Variants in OPCML observed in about 807,000 individuals in gnomAD.
The protein encoded by OPCML is opioid-binding protein/cell adhesion molecule.
In OPCML, 13 loss-of-function variants were observed where a neutral mutation model predicts 37.8. The observed-to-expected ratio is 0.34, with a 90% CI of 0.22 to 0.55. The LOEUF (loss-of-function observed/expected upper bound fraction) is 0.55. OPCML is among the 20% of genes least tolerant of loss of function. The pLI is 0.91. For synonymous variants in OPCML, 176 were observed against 168.8 expected, an observed-to-expected ratio of 1.04 and a Z score of -0.33; for missense variants, 341 against 435.6, an observed-to-expected ratio of 0.78 and a Z score of 1.93.
intron 1 of OPCML, among the ~76,000 whole-genome samples, chr11:133,016,660 T>C (rs1353574530): frequency 6.6e-6 from 1 of 152,206 alleles, no homozygotes. Context: ...CGGGCATCTT[T>C]AGAAGACCAT....
intron 1 of OPCML, among the ~76,000 whole-genome samples, chr11:132,990,133 A>G (rs1686303597): frequency 6.6e-6 from 1 of 152,208 alleles, no homozygotes; most frequent in Admixed American, 6.5e-5. Flanking sequence ...ACAGTGCCAT[A>G]ACCATGACTG....
At position 132,574,263 on chromosome 11, in the gene OPCML, T is replaced by TTTTG. The variant is rs1363715851; in HGVS notation, c.380-45081_380-45078dup. Reference sequence around the variant, plus strand: ...CTTTGTGTTTTTTTTTTTTTGGTTTTTTTGTTTGTTTGTTTGTTTTTGCCT... The same window carrying TTTTG: ...CTTTGTGTTTTTTTTTTTTTGGTTTTTTTGTTTGTTTGTTTGTTTGTTTTTGCCT... On this transcript the variant is annotated intron_variant, in intron 3 of 7. Coordinates refer to ENST00000524381, the MANE Select transcript of OPCML (RefSeq NM_001012393.5). Among the ~76,000 whole-genome samples, 100 of 151,020 alleles carry TTTTG rather than the reference T, an allele frequency of 6.6e-4. 1 individual carries two copies. In the East Asian group the frequency reaches 0.019, roughly 28 times the overall value.
intron 1 of OPCML, among the ~76,000 whole-genome samples, chr11:133,338,163 T>G (rs80286791): frequency 1.3e-5 from 2 of 152,100 alleles, no homozygotes; most frequent in Non-Finnish European, 2.9e-5. Flanking sequence ...TTTCTTCCAT[T>G]GAATGCAATT....
At chr11:133,227,419 G>T (rs1365259561) in intron 1 of OPCML, among the ~76,000 whole-genome samples, 2 of 152,176 alleles carry the variant, frequency 1.3e-5, no homozygotes, top group Non-Finnish European at 2.9e-5. Context: ...GCGGTGTGCT[G>T]CCATCTCCCA....
chr11:132,453,173 G>C (rs1475674170), intron 4 of OPCML, among the ~76,000 whole-genome samples: 6 of 152,156 alleles, frequency 3.9e-5, no homozygotes, highest in Admixed American at 2.0e-4. Context: ...TGTCATGTTA[G>C]AGCAGTAATT....
In OPCML at chr11:132,995,147, ATGG is replaced by A. The variant is rs1360024228; in HGVS notation, c.62-52140_62-52138del. ...AGAATGTGTCATATTATGGAGGGAA[ATGG>A]TGGTCAGAGAGAGCTTTGCCAAGAA... On this transcript the variant is annotated intron_variant, in intron 1 of 7. Coordinates refer to ENST00000524381, the MANE Select transcript of OPCML (RefSeq NM_001012393.5). Among the ~76,000 whole-genome samples, 3 of 152,222 alleles carry A rather than the reference ATGG, an allele frequency of 2.0e-5. No individual in the cohort carries two copies. The East Asian group carries it at 5.8e-4, about 29-fold the overall frequency.
At chr11:132,553,430 A>T (rs969236783) in intron 3 of OPCML, among the ~76,000 whole-genome samples, 5 of 152,176 alleles carry the variant, frequency 3.3e-5, no homozygotes, top group African/African-American at 4.8e-5. Flanking sequence ...GTGTGCTATA[A>T]GCCCCAGTGT....
At position 132,656,133 on chromosome 11, in the gene OPCML, C is replaced by T. The variant is rs367625001; in HGVS notation, c.379+954G>A. On this transcript the variant is annotated intron_variant, in intron 3 of 7. Transcript: ENST00000524381. The stretch of plus-strand genomic sequence containing the variant: ...GGAGGAAGGATGCATCACTGGCTGA[C>T]GGAACTAATGTGCTTACAACTTCAT... Among the ~76,000 whole-genome samples, 47 of 152,192 alleles carry T rather than the reference C, an allele frequency of 3.1e-4. 4 individuals carry two copies. The South Asian group carries it at 9.1e-3, about 30-fold the overall frequency.
At chr11:133,422,644 A>G in intron 1 of OPCML, 2 of 980,080 alleles carry the variant, frequency 2.0e-6, no homozygotes, top group Non-Finnish European at 2.4e-6. Context: ...GGTGTGAACC[A>G]CTGAGCCCGG....
chr11:132,773,450 G>C (rs753811340), intron 2 of OPCML: 1 of 152,056 alleles, frequency 6.6e-6, no homozygotes, highest in African/African-American at 2.4e-5. Flanking sequence ...GCCGGCTCGC[G>C]GTGAGCAACG....
chr11:132,997,779 G>T (rs551351604), intron 1 of OPCML, among the ~76,000 whole-genome samples: 61 of 152,262 alleles, frequency 4.0e-4, no homozygotes, highest in African/African-American at 1.4e-3. Flanking sequence ...TTCCTTCCTC[G>T]CAGAGTTAGC....
At chr11:132,923,832 C>T (rs1398904647) in intron 2 of OPCML, among the ~76,000 whole-genome samples, 4 of 130,956 alleles carry the variant, frequency 3.1e-5, no homozygotes, top group Admixed American at 1.8e-4. Flanking sequence ...GGAGCAATAT[C>T]GGCTCACCGC....
Position 132,416,789 on chromosome 11 carries a change from C to T in OPCML, c.*3404G>A, listed in dbSNP as rs2095940174. 6.6e-6 allele frequency: 1 copy of T among 152,632 alleles called. No individual in the cohort carries two copies. Among genetic ancestry groups the T allele is most frequent in the South Asian group, 2.1e-4 (1 of 4,834 alleles). 9.5% of individuals were successfully genotyped at this position (152,632 alleles called of 1,614,324 possible). A position where few individuals can be genotyped will look rare whatever the true frequency, so the allele number is the denominator to read the frequency against. On this transcript the variant is annotated 3_prime_UTR_variant, in exon 8 of 8. Transcript: ENST00000524381. Reference sequence around the variant, plus strand: ...AAGCCTGTACATGTTTTCACAACCACTTCTCTACATCTCCCCCTCCCTGAA... The same window carrying T: ...AAGCCTGTACATGTTTTCACAACCATTTCTCTACATCTCCCCCTCCCTGAA...
intron 1 of OPCML, among the ~76,000 whole-genome samples, chr11:133,487,678 G>T (rs1325128739): frequency 6.6e-6 from 1 of 151,974 alleles, no homozygotes; most frequent in African/African-American, 2.4e-5. Context: ...TATCTCAGAG[G>T]CAAGGATAGT....
chr11:132,466,986 C>T (rs2096122040), intron 4 of OPCML, among the ~76,000 whole-genome samples: 1 of 151,876 alleles, frequency 6.6e-6, no homozygotes, highest in Non-Finnish European at 1.5e-5. Context: ...GAGGGGTTTC[C>T]ACAGAACAAC....
rs150586343 is a variant in OPCML, at chr11:133,174,437, G to GT, written c.62-231428dup. On this transcript the variant is annotated intron_variant, in intron 1 of 7. Coordinates refer to ENST00000524381, the MANE Select transcript of OPCML (RefSeq NM_001012393.5). The surrounding 1 kb of genome is among the most constrained non-coding windows in gnomAD (Gnocchi z 4.6). Reference sequence around the variant, plus strand: ...ACCTCTGGATATAGGAGAAGGAATGGTTTTCTCAGACGAGTTAGAATAACA... The same window carrying GT: ...ACCTCTGGATATAGGAGAAGGAATGGTTTTTCTCAGACGAGTTAGAATAACA... Among the ~76,000 whole-genome samples the GT allele has an allele frequency of 3.3e-3, 503 of 152,238 alleles. 18 individuals are homozygous for GT. The East Asian group carries it at 0.065, about 20-fold the overall frequency.
At chr11:132,974,178 CCTTT>C (rs1434187757) in intron 1 of OPCML, among the ~76,000 whole-genome samples, 3 of 152,174 alleles carry the variant, frequency 2.0e-5, no homozygotes, top group Admixed American at 6.5e-5. Flanking sequence ...TCAAGTTTAC[CCTTT>C]CTATTTGAAA....
At chr11:132,723,123 C>T (rs1021795984) in intron 2 of OPCML, among the ~76,000 whole-genome samples, 1 of 152,108 alleles carries the variant, frequency 6.6e-6, no homozygotes, top group Non-Finnish European at 1.5e-5. Context: ...AACAAGAGAA[C>T]AAAGGGCCAT....
intron 1 of OPCML, among the ~76,000 whole-genome samples, chr11:133,043,387 A>G (rs1021748147): frequency 2.6e-5 from 4 of 152,188 alleles, no homozygotes; most frequent in African/African-American, 9.7e-5. Context: ...TGAGGATGCC[A>G]GGCTGACCAA....
Sources: allele counts gnomAD v4.1 joint callset (sites outside exome capture counted in the v4.1 genomes callset), GRCh38; gene constraint gnomAD v4.1.1; non-coding constraint Gnocchi (gnomAD v3.1); transcripts MANE v1.5; gene names NCBI Gene and HGNC (gene_info 2026-07-23, HGNC 2026-07-21).